NPAP1: variants seen among roughly 807,000 people sequenced by gnomAD.
NPAP1 encodes nuclear pore associated protein 1.
For missense variants in NPAP1, 1,483 were observed against 1,454.5 expected, an observed-to-expected ratio of 1.02 and a Z score of -0.32; for synonymous variants, 616 against 581.4, an observed-to-expected ratio of 1.06 and a Z score of -0.86.
rs1254415484 is a variant in NPAP1, at chr15:24,680,365, A to G, written c.*1027A>G. The stretch of plus-strand genomic sequence containing the variant: ...CCTGGTCAGAGCACCTGTGCCTGTG[A>G]TGGAAAGCAGCCACTAGTGACACTT... On this transcript the variant is annotated 3_prime_UTR_variant, in exon 1 of 1. Coordinates refer to ENST00000329468, the MANE Select transcript of NPAP1 (RefSeq NM_018958.3). 1 of 167,114 alleles carries G rather than the reference A, an allele frequency of 6.0e-6. No individual in the cohort carries two copies. The highest frequency in any genetic ancestry group is 1.5e-5 in the Non-Finnish European group (1 of 68,178). The allele number at this position is 167,114 out of a possible 1,614,324, so 10.4% of individuals were successfully genotyped here.
chr15:24,680,882 AAAAT>A lies in NPAP1; in HGVS notation c.*1548_*1551del, dbSNP rs1452688588. 7.8e-5 allele frequency: 13 copies of A among 167,078 alleles called. No homozygotes were observed. Among genetic ancestry groups the A allele is most frequent in the Non-Finnish European group, 1.3e-4 (9 of 68,144 alleles). 10.3% of individuals were successfully genotyped at this position (167,078 alleles called of 1,614,324 possible). A position where few individuals can be genotyped will look rare whatever the true frequency, so the allele number is the denominator to read the frequency against. On this transcript the variant is annotated 3_prime_UTR_variant, in exon 1 of 1. Transcript: ENST00000329468. Reference sequence around the variant, plus strand: ...AATTAGCCAGTAACGAATGCTATGAAAAATAAAGAAGTACATGGAGGATTGAGAT... The same window carrying A: ...AATTAGCCAGTAACGAATGCTATGAAAAAGAAGTACATGGAGGATTGAGAT...
At position 24,677,900 on chromosome 15, in the gene NPAP1, C is replaced by A. The variant is rs780116610; in HGVS notation, c.2033C>A (p.Thr678Asn). Residue 678 changes from threonine to asparagine, a missense_variant, in exon 1 of 1, where the codon ACC becomes AAC. Transcript: ENST00000329468. ...LSLPIIPPPD[T>N]STLVNSASTA... ...CTTCCCATCATTCCTCCTCCAGACA[C>A]CTCCACTTTAGTGAACAGTGCCTCT... 13 of 1,613,702 alleles carry A rather than the reference C, an allele frequency of 8.1e-6. No homozygotes were observed. Among genetic ancestry groups the A allele is most frequent in the Non-Finnish European group, 1.0e-5 (12 of 1,179,986 alleles).
At position 24,678,523 on chromosome 15, in the gene NPAP1, A is replaced by G. The variant is rs111475844; in HGVS notation, c.2656A>G (p.Thr886Ala). ...PAQADRRPTT[T>A]SSHPLNTGSI... ...ACAGGCAGATAGGAGACCAACCACA[A>G]CTTCCAGCCATCCTTTAAATACAGG... is the stretch of plus-strand genomic sequence containing the variant. Residue 886 changes from threonine to alanine, a missense_variant, in exon 1 of 1, where the codon ACT (threonine) becomes GCT (alanine). Transcript: ENST00000329468. 2.5e-4 allele frequency: 403 copies of G among 1,613,938 alleles called. 2 individuals carry two copies. In the African/African-American group the frequency reaches 4.4e-3, roughly 18 times the overall value.
Position 24,678,013 on chromosome 15 carries a change from GTCTCCAAGAAGTACC to G in NPAP1, c.2149_2163del (p.Ser717_Leu721del), listed in dbSNP as rs776624613. The G allele has an allele frequency of 1.2e-6, 2 of 1,614,058 alleles. No homozygotes were observed. Among genetic ancestry groups the G allele is most frequent in the South Asian group, 2.2e-5 (2 of 91,082 alleles). ...GGCTGTCATCTTGCAGTCTGCCTCT[GTCTCCAAGAAGTACC>G]TCCCATTTTACCTGGGGCTTCCTGG... is the stretch of plus-strand genomic sequence containing the variant. On this transcript the variant is annotated inframe_deletion, in exon 1 of 1. Coordinates refer to ENST00000329468, the MANE Select transcript of NPAP1 (RefSeq NM_018958.3).
In NPAP1 at chr15:24,680,988, G is replaced by T; in HGVS notation, c.*1650G>T. ...AAGGTAAATTTAAACGAAGCCTAGAGAGAAGCAGTTGAGCCAGATATATGA... is the reference window on the plus strand; with the variant it reads ...AAGGTAAATTTAAACGAAGCCTAGATAGAAGCAGTTGAGCCAGATATATGA... On this transcript the variant is annotated 3_prime_UTR_variant, in exon 1 of 1. Transcript: ENST00000329468. The T allele has an allele frequency of 6.0e-6, 1 of 167,194 alleles. No individual in the cohort carries two copies. The allele number at this position is 167,194 out of a possible 1,614,324, so 10.4% of individuals were successfully genotyped here.
rs2049004392 is a variant in NPAP1, at chr15:24,679,633, C to T, written c.*295C>T. The stretch of plus-strand genomic sequence containing the variant: ...CACCTACCAACAAAGTACCTAGGGC[C>T]CACCTGGACAAAACACAGATGGTAC... On this transcript the variant is annotated 3_prime_UTR_variant, in exon 1 of 1. Transcript: ENST00000329468. The T allele has an allele frequency of 2.1e-5, 8 of 386,126 alleles. No individual in the cohort carries two copies. The South Asian group carries it at 2.8e-4, about 13-fold the overall frequency. 23.9% of individuals were successfully genotyped at this position (386,126 alleles called of 1,614,324 possible).
rs769245238 is a variant in NPAP1, at chr15:24,678,028, C to T, written c.2161C>T (p.Leu721Phe). The T allele has an allele frequency of 6.2e-7, 1 of 1,613,938 alleles. No homozygotes were observed. The highest frequency in any genetic ancestry group is 1.3e-5 in the African/African-American group (1 of 74,950). The change falls in exon 1 of 1, where the codon CTC (leucine) becomes TTC (phenylalanine). Residue 721 changes from leucine to phenylalanine, a missense_variant. By Grantham distance (22) the Leu-to-Phe change is conservative. Coordinates refer to ENST00000329468, the MANE Select transcript of NPAP1 (RefSeq NM_018958.3). The stretch of plus-strand genomic sequence containing the variant: ...GTCTGCCTCTGTCTCCAAGAAGTAC[C>T]TCCCATTTTACCTGGGGCTTCCTGG... Reference protein sequence around the residue: ...LQSASVSKKYLPFYLGLPGSG... With the variant: ...LQSASVSKKYFPFYLGLPGSG...
chr15:24,675,862 C>G lies in NPAP1; in HGVS notation c.-6C>G, dbSNP rs1220376095. On this transcript the variant is annotated 5_prime_UTR_variant, in exon 1 of 1. Coordinates refer to ENST00000329468, the MANE Select transcript of NPAP1 (RefSeq NM_018958.3). ...GTTTTACGGTAGGAGGCACGGCTAGCTCTAAATGGGCAATTTACTTAGTAA... is the reference window on the plus strand; with the variant it reads ...GTTTTACGGTAGGAGGCACGGCTAGGTCTAAATGGGCAATTTACTTAGTAA... 1 of 1,543,480 alleles carries G rather than the reference C, an allele frequency of 6.5e-7. No homozygotes were observed. The highest frequency in any genetic ancestry group is 8.7e-7 in the Non-Finnish European group (1 of 1,148,736).
rs762866426 is a variant in NPAP1 at position 24,679,306 on chromosome 15, G to A, written c.3439G>A (p.Val1147Ile). Residue 1147 changes from valine (V) to isoleucine (I), a missense_variant, in exon 1 of 1, where the codon GTT becomes ATT. Transcript: ENST00000329468. ...STHYYGQETYVRRHVCFQLP is the reference protein window; with the variant it reads ...STHYYGQETYIRRHVCFQLP ...CCACTACTATGGACAAGAAACATATGTTAGGAGACATGTCTGTTTCCAACT... is the reference window on the plus strand; with the variant it reads ...CCACTACTATGGACAAGAAACATATATTAGGAGACATGTCTGTTTCCAACT... The A allele has an allele frequency of 1.9e-6, 3 of 1,613,596 alleles. No homozygotes were observed. Among genetic ancestry groups the A allele is most frequent in the Non-Finnish European group, 1.7e-6 (2 of 1,179,864 alleles).
rs1168070065 is a variant in NPAP1 at position 24,675,896 on chromosome 15, C to A, written c.29C>A (p.Pro10His). 1 of 1,576,572 alleles carries A rather than the reference C, an allele frequency of 6.3e-7. No individual in the cohort carries two copies. Among genetic ancestry groups the A allele is most frequent in the Admixed American group, 1.8e-5 (1 of 54,156 alleles). The change falls in exon 1 of 1, where the codon CCC becomes CAC. Residue 10 changes from proline (P) to histidine (H), a missense_variant. Coordinates refer to ENST00000329468, the MANE Select transcript of NPAP1 (RefSeq NM_018958.3). Reference protein sequence around the residue: MGNLLSKFRPGCRRRPLPGP... With the variant: MGNLLSKFRHGCRRRPLPGP... ...GGCAATTTACTTAGTAAATTTAGAC[C>A]CGGGTGCCGCCGCCGGCCCCTGCCA...
At position 24,682,587 on chromosome 15, in the gene NPAP1, G is replaced by A. The variant is rs1243689977; in HGVS notation, c.*3249G>A. On this transcript the variant is annotated 3_prime_UTR_variant, in exon 1 of 1. Transcript: ENST00000329468. ...ACTGAAAGTCAACCTTCCTACCACA[G>A]TTCCCTCCTCCAGAGATAGTGTTTA... 1.2e-5 allele frequency: 2 copies of A among 166,960 alleles called. No individual in the cohort carries two copies. 10.3% of individuals were successfully genotyped at this position (166,960 alleles called of 1,614,324 possible).
chr15:24,677,849 TC>T, the NPAP1 span: 1 of 1,613,776 alleles, frequency 6.2e-7, no homozygotes, highest in Non-Finnish European at 8.5e-7. Context: ...AAAGCTTCTC[TC>T]CCCAGTGCCT....
In NPAP1 at chr15:24,679,769, G is replaced by A. The variant is rs898434243; in HGVS notation, c.*431G>A. ...AGCACAAACCATGCAATGAGGGACA[G>A]CAACACAACGGCTGTGACTGGTTGT... On this transcript the variant is annotated 3_prime_UTR_variant, in exon 1 of 1. Transcript: ENST00000329468. 1 of 191,528 alleles carries A rather than the reference G, an allele frequency of 5.2e-6. No individual in the cohort carries two copies. The highest frequency in any genetic ancestry group is 1.2e-5 in the Non-Finnish European group (1 of 82,300). The allele number at this position is 191,528 out of a possible 1,614,324, so 11.9% of individuals were successfully genotyped here. A position where few individuals can be genotyped will look rare whatever the true frequency, so the allele number is the denominator to read the frequency against.
Position 24,677,487 on chromosome 15 carries a change from C to T in NPAP1, c.1620C>T (p.Thr540=). The T allele has an allele frequency of 6.2e-7, 1 of 1,614,150 alleles. No individual in the cohort carries two copies. The highest frequency in any genetic ancestry group is 1.3e-5 in the African/African-American group (1 of 75,034). Residue 540 remains threonine, a synonymous_variant, in exon 1 of 1, where the codon ACC becomes ACT. Coordinates refer to ENST00000329468, the MANE Select transcript of NPAP1 (RefSeq NM_018958.3). ...LTLLPVPSTG[T]SVITSKPMNS... ...TTCTTCCAGTCCCTTCCACCGGGACCTCAGTTATCACCAGCAAGCCTATGA... is the reference window on the plus strand; with the variant it reads ...TTCTTCCAGTCCCTTCCACCGGGACTTCAGTTATCACCAGCAAGCCTATGA...
chr15:24,677,392 C>T lies in NPAP1; in HGVS notation c.1525C>T (p.Pro509Ser), dbSNP rs781733146. 3.1e-6 allele frequency: 5 copies of T among 1,614,036 alleles called. No homozygotes were observed. The highest frequency in any genetic ancestry group is 3.4e-6 in the Non-Finnish European group (4 of 1,180,034). Residue 509 changes from proline to serine, a missense_variant, in exon 1 of 1, where the codon CCT becomes TCT. Coordinates refer to ENST00000329468, the MANE Select transcript of NPAP1 (RefSeq NM_018958.3). ...TPPSSTPSFK[P>S]PVTRESPISM... ...TCCTAGCTCCACACCCTCCTTCAAGCCTCCCGTCACAAGGGAGTCCCCAAT... is the reference window on the plus strand; with the variant it reads ...TCCTAGCTCCACACCCTCCTTCAAGTCTCCCGTCACAAGGGAGTCCCCAAT...
chr15:24,676,652 C>A lies in NPAP1; in HGVS notation c.785C>A (p.Pro262His), dbSNP rs2141308477. The part of the protein sequence containing the change: ...LGKPDPDATA[P>H]PEPAVGCSLL... ...AAGCCTGATCCGGATGCAACAGCGC[C>A]CCCTGAGCCAGCCGTTGGCTGCTCC... Residue 262 changes from proline to histidine, a missense_variant, in exon 1 of 1, where the codon CCC becomes CAC. Pro to His is a moderately conservative substitution (Grantham distance 77). Coordinates refer to ENST00000329468, the MANE Select transcript of NPAP1 (RefSeq NM_018958.3). 6.2e-7 allele frequency: 1 copy of A among 1,613,972 alleles called. No homozygotes were observed. The highest frequency in any genetic ancestry group is 1.1e-5 in the South Asian group (1 of 91,082).
In NPAP1 at chr15:24,679,484, G is replaced by C; in HGVS notation, c.*146G>C. The C allele has an allele frequency of 1.5e-6, 1 of 658,328 alleles. No homozygotes were observed. Among genetic ancestry groups the C allele is most frequent in the Non-Finnish European group, 2.7e-6 (1 of 372,638 alleles). 40.8% of individuals were successfully genotyped at this position (658,328 alleles called of 1,614,324 possible). A position where few individuals can be genotyped will look rare whatever the true frequency, so the allele number is the denominator to read the frequency against. On this transcript the variant is annotated 3_prime_UTR_variant, in exon 1 of 1. Coordinates refer to ENST00000329468, the MANE Select transcript of NPAP1 (RefSeq NM_018958.3). ...CCAGAACTCAGGTTGTGCACCAGGA[G>C]GGGACAACAACATCCCTGTGCTCCC...
At position 24,676,597 on chromosome 15, in the gene NPAP1, A is replaced by G. The variant is rs2141308353; in HGVS notation, c.730A>G (p.Ser244Gly). Residue 244 changes from serine to glycine, a missense_variant, in exon 1 of 1, where the codon AGC becomes GGC. By Grantham distance (56) the Ser-to-Gly change is moderately conservative. Coordinates refer to ENST00000329468, the MANE Select transcript of NPAP1 (RefSeq NM_018958.3). ...AGGCCCTGCCATGCCCAGCACACAC[A>G]GCCAGGCCGGATGTGCCCGGCATCT... ...LEGPAMPSTH[S>G]QAGCARHLGK... 6.2e-7 allele frequency: 1 copy of G among 1,614,026 alleles called. No homozygotes were observed. The highest frequency in any genetic ancestry group is 8.5e-7 in the Non-Finnish European group (1 of 1,180,010).
chr15:24,679,504 G>C lies in NPAP1; in HGVS notation c.*166G>C, dbSNP rs2049003249. ...CAGGAGGGGACAACAACATCCCTGT[G>C]CTCCCTTTCTCTGTCAGTACACATG... is the stretch of plus-strand genomic sequence containing the variant. On this transcript the variant is annotated 3_prime_UTR_variant, in exon 1 of 1. Transcript: ENST00000329468. The C allele has an allele frequency of 1.6e-6, 1 of 628,272 alleles. No homozygotes were observed. The highest frequency in any genetic ancestry group is 2.9e-6 in the Non-Finnish European group (1 of 348,936). 38.9% of individuals were successfully genotyped at this position (628,272 alleles called of 1,614,324 possible).
Sources: allele counts gnomAD v4.1 joint callset, GRCh38; gene constraint gnomAD v4.1.1; transcripts MANE v1.5; gene names NCBI Gene and HGNC (gene_info 2026-07-23, HGNC 2026-07-21).